Variants in ARHGAP27 observed in about 807,000 individuals in gnomAD.
ARHGAP27 encodes Rho GTPase activating protein 27.
Under a neutral mutation model 102.0 loss-of-function variants are expected in ARHGAP27, and 53 were observed. The observed-to-expected ratio is 0.52, with a 90% CI of 0.42 to 0.65. ARHGAP27 has a LOEUF of 0.65. ARHGAP27 is among the 30% of genes least tolerant of loss of function. ARHGAP27 has a pLI of 0.00. For synonymous variants in ARHGAP27, 525 were observed against 542.8 expected, an observed-to-expected ratio of 0.97 and a Z score of 0.46; for missense variants, 1,117 against 1,256.2, an observed-to-expected ratio of 0.89 and a Z score of 1.68.
At position 45,394,176 on chromosome 17, in the gene ARHGAP27, A is replaced by C. The variant is rs2045343150; in HGVS notation, c.*1280T>G. 6.6e-6 allele frequency: 1 copy of C among 152,452 alleles called. No homozygotes were observed. Among genetic ancestry groups the C allele is most frequent in the Non-Finnish European group, 1.5e-5 (1 of 68,066 alleles). The allele number at this position is 152,452 out of a possible 1,614,324, so 9.4% of individuals were successfully genotyped here. A position where few individuals can be genotyped will look rare whatever the true frequency, so the allele number is the denominator to read the frequency against. ...AAACAAATGGGATAATCCAAGCCGA[A>C]TGCTTGGCATGGTGCAAATGTCCAA... On this transcript the variant is annotated 3_prime_UTR_variant, in exon 20 of 20. Coordinates refer to ENST00000685559, the MANE Select transcript of ARHGAP27 (RefSeq NM_001282290.2).
At chr17:45,419,462 C>T (rs12946723) in intron 4 of ARHGAP27, among the ~76,000 whole-genome samples, 20,576 of 140,050 alleles carry the variant, frequency 0.15, 1,734 homozygotes, top group Middle Eastern at 0.25. Context: ...TAAATATATA[C>T]AATATATACT....
intron 4 of ARHGAP27, chr17:45,410,209 C>A: frequency 1.3e-6 from 2 of 1,533,484 alleles, no homozygotes; most frequent in Non-Finnish European, 1.7e-6. Flanking sequence ...CACCGGGCAC[C>A]CCTTGACCCC....
intron 4 of ARHGAP27, among the ~76,000 whole-genome samples, chr17:45,415,571 G>A (rs1169589102): frequency 2.6e-5 from 4 of 152,104 alleles, no homozygotes; most frequent in African/African-American, 7.2e-5. Context: ...CTCCTTCCCC[G>A]ATCTTAGCAT....
chr17:45,403,737 G>T, intron 10 of ARHGAP27, 28 bp from the exon 11 acceptor site: 1 of 1,585,170 alleles, frequency 6.3e-7, no homozygotes, highest in Non-Finnish European at 8.6e-7. Flanking sequence ...AGTGGGGGTG[G>T]CAGGACTTAG....
In ARHGAP27 at chr17:45,396,723, C is replaced by T. The variant is rs752248788; in HGVS notation, c.2019G>A (p.Lys673=). Residue 673 remains lysine, a synonymous_variant, in exon 15 of 20, where the codon AAG becomes AAA. Coordinates refer to ENST00000685559, the MANE Select transcript of ARHGAP27 (RefSeq NM_001282290.2). ...GCAGTGTGGGCCGCCTCTGGAGGAA[C>T]TTGCGGAGCTTGTGCCGGACCTTGC... ...DLSKVRHKLR[K]FLQRRPTLQS... 3.1e-6 allele frequency: 5 copies of T among 1,613,748 alleles called. No homozygotes were observed. In the South Asian group the frequency reaches 5.5e-5, roughly 18 times the overall value.
chr17:45,415,805 G>A (rs1224322604), intron 4 of ARHGAP27, among the ~76,000 whole-genome samples: 1 of 152,212 alleles, frequency 6.6e-6, no homozygotes, highest in East Asian at 1.9e-4. Context: ...CAGGCAGAAA[G>A]AAAGGGTAGG....
intron 6 of ARHGAP27, 120 bp from the exon 7 acceptor site, chr17:45,404,801 G>A (rs1401826682): frequency 1.3e-6 from 2 of 1,518,252 alleles, no homozygotes. Context: ...GCAGGTGACT[G>A]TGTTTGGCTG....
rs745340634 is a variant in ARHGAP27 at position 45,405,833 on chromosome 17, G to T, written c.908C>A (p.Thr303Asn). 15 of 1,537,104 alleles carry T rather than the reference G, an allele frequency of 9.8e-6. No homozygotes were observed. In the African/African-American group the frequency reaches 2.1e-4, roughly 21 times the overall value. The change falls in exon 5 of 20, where the codon ACC (threonine) becomes AAC (asparagine). Residue 303 changes from threonine (T) to asparagine (N), a missense_variant. Thr to Asn is a moderately conservative substitution (Grantham distance 65). Coordinates refer to ENST00000685559, the MANE Select transcript of ARHGAP27 (RefSeq NM_001282290.2). ...CTCATCCCAGTACTGGCCCCACTCG[G>T]TCTCAAGGCTCACGTGGCTGTCCAC... is the stretch of plus-strand genomic sequence containing the variant. ...ASVDSHVSLE[T>N]EWGQYWDEES...
At chr17:45,413,487 G>A (rs62064643) in intron 4 of ARHGAP27, among the ~76,000 whole-genome samples, 18,318 of 152,218 alleles carry the variant, frequency 0.12, 1,537 homozygotes, top group Middle Eastern at 0.21. Flanking sequence ...GTTTCTTCAT[G>A]TGTAGAACAG....
In ARHGAP27 at chr17:45,396,818, C is replaced by T. The variant is rs571177508; in HGVS notation, c.1952-28G>A. 11 of 1,607,728 alleles carry T rather than the reference C, an allele frequency of 6.8e-6. No individual in the cohort carries two copies. In the South Asian group the frequency reaches 1.2e-4, roughly 18 times the overall value. ...GCCGCGGGGAAAGGCAGGACTGAGT[C>T]AGGAGGCAGCGCCAGGGCAGGCCAG... On this transcript the variant is annotated intron_variant, in intron 14 of 19. Coordinates refer to ENST00000685559, the MANE Select transcript of ARHGAP27 (RefSeq NM_001282290.2).
At chr17:45,417,261 C>T (rs2048562823) in intron 4 of ARHGAP27, among the ~76,000 whole-genome samples, 3 of 149,968 alleles carry the variant, frequency 2.0e-5, no homozygotes, top group Non-Finnish European at 3.0e-5. Context: ...GTCAGACTTT[C>T]AAGACCAGCC....
chr17:45,414,494 G>T (rs2048240037), intron 4 of ARHGAP27, among the ~76,000 whole-genome samples: 1 of 151,276 alleles, frequency 6.6e-6, no homozygotes, highest in African/African-American at 2.4e-5. Flanking sequence ...CTGGAGGGCA[G>T]TGGCACGATC....
intron 4 of ARHGAP27, chr17:45,429,318 A>G: frequency 1.1e-6 from 1 of 937,416 alleles, no homozygotes; most frequent in Non-Finnish European, 1.5e-6. Context: ...TATTCACACA[A>G]GTGCGATAAA....
Position 45,396,533 on chromosome 17 carries a change from C to T in ARHGAP27, c.2127G>A (p.Arg709=). ...TGCACTGCTGCACGAAGCGTGGCAC[C>T]CGGCTCCTCTCGCGCTCACACAGCG... ...LAALCERERS[R]VPRFVQQCIR... Residue 709 remains arginine, a synonymous_variant, in exon 16 of 20, where the codon CGG becomes CGA. Coordinates refer to ENST00000685559, the MANE Select transcript of ARHGAP27 (RefSeq NM_001282290.2). The T allele has an allele frequency of 6.3e-7, 1 of 1,587,040 alleles. No homozygotes were observed. Among genetic ancestry groups the T allele is most frequent in the Non-Finnish European group, 8.5e-7 (1 of 1,171,970 alleles).
In ARHGAP27 at chr17:45,395,313, A is replaced by G; in HGVS notation, c.*143T>C. On this transcript the variant is annotated 3_prime_UTR_variant, in exon 20 of 20. Transcript: ENST00000685559. ...GCCCACTAGGGGTCACCGTACCCTC[A>G]GAACCGAGGGTGCAGAAGTCACACC... 9.2e-7 allele frequency: 1 copy of G among 1,084,056 alleles called. No individual in the cohort carries two copies. Among genetic ancestry groups the G allele is most frequent in the Non-Finnish European group, 1.3e-6 (1 of 777,302 alleles). 67.2% of individuals were successfully genotyped at this position (1,084,056 alleles called of 1,614,324 possible). A position where few individuals can be genotyped will look rare whatever the true frequency, so the allele number is the denominator to read the frequency against.
intron 4 of ARHGAP27, among the ~76,000 whole-genome samples, chr17:45,418,011 T>C (rs967341049): frequency 4.2e-4 from 62 of 147,972 alleles, no homozygotes; most frequent in Non-Finnish European, 8.2e-4. Flanking sequence ...CACTCCAGCC[T>C]GGGCGACAAA....
At chr17:45,397,142 G>GAGTC (rs1215631087) in intron 13 of ARHGAP27, 118 bp from the exon 14 acceptor site, 41 of 1,490,568 alleles carry the variant, frequency 2.8e-5, no homozygotes, top group Non-Finnish European at 3.4e-5. Context: ...CCTCAGCGAA[G>GAGTC]AGTCCTCTCT....
chr17:45,432,564 G>C (rs1255958140), intron 1 of ARHGAP27, among the ~76,000 whole-genome samples, 188 bp downstream of exon 1: 2 of 152,310 alleles, frequency 1.3e-5, no homozygotes, highest in East Asian at 3.9e-4. Context: ...CCTCCCCGTG[G>C]GATGCGGCCC....
At chr17:45,397,142 G>A (rs1298862534) in intron 13 of ARHGAP27, 118 bp from the exon 14 acceptor site, 1 of 1,490,686 alleles carries the variant, frequency 6.7e-7, no homozygotes, top group African/African-American at 1.4e-5. Context: ...CCTCAGCGAA[G>A]AGTCCTCTCT....
Sources: allele counts gnomAD v4.1 joint callset (sites outside exome capture counted in the v4.1 genomes callset), GRCh38; gene constraint gnomAD v4.1.1; transcripts MANE v1.5; gene names NCBI Gene and HGNC (gene_info 2026-07-23, HGNC 2026-07-21).